EHBP1: variants seen among roughly 807,000 people sequenced by gnomAD.
The protein encoded by EHBP1 is EH domain binding protein 1, also known as EH domain-binding protein 1.
A neutral mutation model predicts 144.0 loss-of-function variants in EHBP1; 55 were observed. The ratio of observed to expected loss-of-function variants is 0.38; its 90% confidence interval spans 0.31 to 0.48. EHBP1 has a LOEUF of 0.48. Ranked by LOEUF, EHBP1 falls within the 20% of genes least tolerant of loss-of-function variation. The pLI, the probability that EHBP1 is intolerant of heterozygous loss-of-function variation, is 0.98. For synonymous variants in EHBP1, 469 were observed against 472.7 expected (o/e 0.99, Z 0.10); for missense variants, 1,200 against 1,364.2 (o/e 0.88, Z 1.90).
intron 5 of EHBP1, among the ~76,000 whole-genome samples, chr2:62,822,869 C>G (rs796332930): frequency 3.3e-5 from 5 of 152,172 alleles, no homozygotes; most frequent in African/African-American, 1.2e-4. Context: ...CCGCAATAGA[C>G]TGTATTTCAA....
chr2:62,917,946 G>T (rs2054772401), intron 10 of EHBP1, among the ~76,000 whole-genome samples: 1 of 151,600 alleles, frequency 6.6e-6, no homozygotes, highest in Non-Finnish European at 1.5e-5. Flanking sequence ...GCCCAGGCTG[G>T]AGTGCAGTGG....
At chr2:62,993,448 A>G in intron 16 of EHBP1, 82 bp from the exon 17 acceptor site, 2 of 1,248,060 alleles carry the variant, frequency 1.6e-6, no homozygotes, top group Non-Finnish European at 2.1e-6. Context: ...GTTATCTTAA[A>G]TCAGTAAAAA....
Position 62,785,748 on chromosome 2 carries a change from G to T in EHBP1, c.312+14356G>T, listed in dbSNP as rs2042757935. ...ATACAACCTACTTTTTCTTACATTG[G>T]TTTCTAGTGTTTTTATGTGGATTGC... On this transcript the variant is annotated intron_variant, in intron 5 of 22. Coordinates refer to ENST00000431489, the MANE Select transcript of EHBP1 (RefSeq NM_001142616.3). Among the ~76,000 whole-genome samples the T allele has an allele frequency of 2.0e-5, 3 of 151,650 alleles. No individual in the cohort carries two copies. The South Asian group carries it at 6.3e-4, about 32-fold the overall frequency.
rs375165603 is a variant in EHBP1, at chr2:62,864,838, G to A, written c.865G>A (p.Asp289Asn). 6 of 1,613,940 alleles carry A rather than the reference G, an allele frequency of 3.7e-6. 1 individual carries two copies. In the South Asian group the frequency reaches 4.4e-5, roughly 12 times the overall value. ...GACTCCACAGTATTTGAACCCATTC[G>A]ATGAGCCAGAAGCATTTGTGACCAT... The part of the protein sequence containing the change: ...VQTPQYLNPF[D>N]EPEAFVTIKD... Residue 289 changes from aspartate to asparagine, a missense_variant, in exon 9 of 23, where the codon GAT (aspartate) becomes AAT (asparagine). By Grantham distance (23) the Asp-to-Asn change is conservative (BLOSUM62 1). Around this residue, in one of 6 missense-constraint regions of EHBP1, gnomAD observed 266 missense variants for 262.4 expected, o/e 1.01. Transcript: ENST00000431489.
At chr2:62,677,547 A>G (rs1257824043) in intron 1 of EHBP1, among the ~76,000 whole-genome samples, 3 of 152,176 alleles carry the variant, frequency 2.0e-5, no homozygotes, top group African/African-American at 7.2e-5. Flanking sequence ...ATTTTTTACT[A>G]TAGTCACACT....
chr2:62,848,166 C>T (rs968083836), intron 7 of EHBP1, among the ~76,000 whole-genome samples: 2 of 151,608 alleles, frequency 1.3e-5, no homozygotes, highest in African/African-American at 4.9e-5. Context: ...GCAACCTCCA[C>T]CTCCCAGGTT....
At chr2:62,857,862 TA>T (rs992435627) in intron 7 of EHBP1, among the ~76,000 whole-genome samples, 65 of 148,276 alleles carry the variant, frequency 4.4e-4, no homozygotes, top group African/African-American at 1.1e-3. Context: ...CAGATCCTAT[TA>T]AAAAAAAAAC....
chr2:62,930,725 A>C (rs2055919031), intron 10 of EHBP1, among the ~76,000 whole-genome samples: 1 of 152,194 alleles, frequency 6.6e-6, no homozygotes, highest in Non-Finnish European at 1.5e-5. Flanking sequence ...TCTGCATATA[A>C]TAAGGTCAGT....
rs547173321 is a variant in EHBP1 at position 62,766,595 on chromosome 2, G to A, written c.258+2234G>A. Among the ~76,000 whole-genome samples, 5 of 152,178 alleles carry A rather than the reference G, an allele frequency of 3.3e-5. No homozygotes were observed. In the South Asian group the frequency reaches 1.0e-3, roughly 32 times the overall value. ...CTTCTGATACATGGAGTGGACTTGA[G>A]TAAGTTAAATGGGCATGTAATGTGA... On this transcript the variant is annotated intron_variant, in intron 4 of 22. Transcript: ENST00000431489.
At chr2:62,915,598 C>G (rs2054547899) in intron 10 of EHBP1, among the ~76,000 whole-genome samples, 1 of 151,906 alleles carries the variant, frequency 6.6e-6, no homozygotes, top group Non-Finnish European at 1.5e-5. Context: ...ATCCCTCTTT[C>G]CTAGATACTT....
At chr2:62,959,218 T>A (rs1324159339) in intron 14 of EHBP1, among the ~76,000 whole-genome samples, 1 of 152,240 alleles carries the variant, frequency 6.6e-6, no homozygotes, top group Non-Finnish European at 1.5e-5. Flanking sequence ...TTCTGCTTTT[T>A]TAAAGCTGAA....
At chr2:62,950,929 C>G (rs982030806) in intron 13 of EHBP1, among the ~76,000 whole-genome samples, 5 of 152,212 alleles carry the variant, frequency 3.3e-5, no homozygotes, top group Non-Finnish European at 7.3e-5. Flanking sequence ...AGGTGATCCA[C>G]CCGCCTTGGC....
At position 62,948,602 on chromosome 2, in the gene EHBP1, G is replaced by T. The variant is rs1419482885; in HGVS notation, c.1756G>T (p.Val586Phe). 6.2e-7 allele frequency: 1 copy of T among 1,613,884 alleles called. No homozygotes were observed. Among genetic ancestry groups the T allele is most frequent in the African/African-American group, 1.3e-5 (1 of 74,928 alleles). Reference protein sequence around the residue: ...DDSVFVNDSGVGESESEHQTP... With the variant: ...DDSVFVNDSGFGESESEHQTP... The stretch of plus-strand genomic sequence containing the variant: ...CTCTGTATTTGTAAATGATAGCGGG[G>T]TTGGAGAGTCAGAAAGTGAGCATCA... The change falls in exon 13 of 23, where the codon GTT (valine) becomes TTT (phenylalanine). Residue 586 changes from valine to phenylalanine, a missense_variant. Val to Phe is a conservative substitution (Grantham distance 50). This residue lies in a region of EHBP1 where 543 missense variants were observed against 513.1 expected (regional missense o/e 1.06). Coordinates refer to ENST00000431489, the MANE Select transcript of EHBP1 (RefSeq NM_001142616.3).
At chr2:62,800,904 T>A (rs779286836) in intron 5 of EHBP1, among the ~76,000 whole-genome samples, 8 of 152,138 alleles carry the variant, frequency 5.3e-5, no homozygotes, top group Non-Finnish European at 8.8e-5. Context: ...ATTCACAGGG[T>A]CACTTTCAGT....
At chr2:62,715,925 T>G (rs1036467095) in intron 2 of EHBP1, among the ~76,000 whole-genome samples, 6 of 152,258 alleles carry the variant, frequency 3.9e-5, no homozygotes, top group African/African-American at 1.4e-4. Context: ...CTAATACATG[T>G]TATGCTTAAT....
intron 14 of EHBP1, among the ~76,000 whole-genome samples, chr2:62,958,849 C>T (rs1456348784): frequency 2.0e-5 from 3 of 152,038 alleles, no homozygotes; most frequent in African/African-American, 7.3e-5. Flanking sequence ...AATGGAAGGG[C>T]ATATTATGTT....
intron 9 of EHBP1, among the ~76,000 whole-genome samples, chr2:62,869,219 CA>C (rs1397673129): frequency 6.6e-6 from 1 of 152,120 alleles, no homozygotes; most frequent in Non-Finnish European, 1.5e-5. Flanking sequence ...ATGGTTCAAC[CA>C]TTTTAGAAAA....
chr2:62,707,298 A>G lies in EHBP1; in HGVS notation c.104+3A>G, dbSNP rs771406204. ...ATGGTTGAGTGTACGAAGAAATGGT[A>G]AGATGTACCTGGAGGTAGATTTTGC... On this transcript the variant is annotated splice_donor_region_variant and intron_variant, in intron 2 of 22. Transcript: ENST00000431489. 9.9e-6 allele frequency: 16 copies of G among 1,609,682 alleles called. No homozygotes were observed. Among genetic ancestry groups the G allele is most frequent in the Non-Finnish European group, 1.4e-5 (16 of 1,176,092 alleles).
At chr2:62,996,407 C>A (rs560229406) in intron 18 of EHBP1, among the ~76,000 whole-genome samples, 37 of 151,970 alleles carry the variant, frequency 2.4e-4, no homozygotes, top group Non-Finnish European at 5.1e-4. Context: ...GGCAAATCTG[C>A]CTGTGAAATT....
Sources: allele counts gnomAD v4.1 joint callset (sites outside exome capture counted in the v4.1 genomes callset), GRCh38; gene constraint gnomAD v4.1.1; regional missense constraint gnomAD v4.1.1; transcripts MANE v1.5; gene names NCBI Gene and HGNC (gene_info 2026-07-23, HGNC 2026-07-21).